Variants in CPA6 observed in about 807,000 individuals in gnomAD.
The protein encoded by CPA6 is carboxypeptidase B.
A neutral mutation model predicts 63.3 loss-of-function variants in CPA6; 58 were observed. That is an observed-to-expected ratio of 0.92 (90% confidence interval 0.74 to 1.14). The LOEUF is 1.14. CPA6 is among the 50% of genes most tolerant of loss of function. The pLI is 0.00. For missense variants in CPA6, 565 were observed against 526.6 expected, an observed-to-expected ratio of 1.07 and a Z score of -0.71; for synonymous variants, 185 against 179.0, an observed-to-expected ratio of 1.03 and a Z score of -0.27.
At chr8:67,475,821 T>C (rs868190232) in intron 8 of CPA6, among the ~76,000 whole-genome samples, 7 of 37,716 alleles carry the variant, frequency 1.9e-4, no homozygotes, top group Admixed American at 1.0e-3. Flanking sequence ...TTCTTTCCTT[T>C]CTTTTCTTTC....
chr8:67,425,424 G>A (rs1469222635), intron 10 of CPA6, among the ~76,000 whole-genome samples: 1 of 152,140 alleles, frequency 6.6e-6, no homozygotes, highest in Non-Finnish European at 1.5e-5. Context: ...ACCCAGGCTG[G>A]AGTGCAGTGG....
At chr8:67,687,796 G>A (rs776015369) in intron 1 of CPA6, among the ~76,000 whole-genome samples, 10 of 152,096 alleles carry the variant, frequency 6.6e-5, no homozygotes, top group Non-Finnish European at 8.8e-5. Flanking sequence ...GATAGCAGCC[G>A]TCTCTATAGG....
chr8:67,506,906 C>T lies in CPA6; in HGVS notation c.535-18G>A. 1 of 1,556,550 alleles carries T rather than the reference C, an allele frequency of 6.4e-7. No individual in the cohort carries two copies. The highest frequency in any genetic ancestry group is 1.1e-5 in the South Asian group (1 of 89,802). On this transcript the variant is annotated intron_variant, in intron 5 of 10. Transcript: ENST00000297770. The stretch of plus-strand genomic sequence containing the variant: ...CTGCCCAGCTGAAAACAAGAGCATT[C>T]ACAGTAACCAACTCAGGCTTTTAGA...
intron 1 of CPA6, among the ~76,000 whole-genome samples, chr8:67,677,361 T>TA (rs1816499371): frequency 1.5e-5 from 2 of 129,618 alleles, no homozygotes; most frequent in African/African-American, 5.5e-5. Context: ...TTTTTTTTTT[T>TA]ATCCTGCTGC....
chr8:67,721,368 A>G (rs1271044287), intron 1 of CPA6, among the ~76,000 whole-genome samples: 1 of 152,216 alleles, frequency 6.6e-6, no homozygotes, highest in Admixed American at 6.5e-5. Context: ...GGTTTCAGAT[A>G]TTGAAGGTCT....
intron 2 of CPA6, among the ~76,000 whole-genome samples, chr8:67,543,278 C>T (rs1812744257): frequency 6.6e-6 from 1 of 152,148 alleles, no homozygotes; most frequent in Non-Finnish European, 1.5e-5. Flanking sequence ...TTTTGTTTTC[C>T]TCTGTGATGA....
intron 8 of CPA6, among the ~76,000 whole-genome samples, chr8:67,461,153 G>A (rs1225087091): frequency 1.0e-4 from 15 of 146,280 alleles, no homozygotes; most frequent in South Asian, 2.2e-4. Context: ...AGGGAAGGTC[G>A]GCAGATAAAC....
intron 2 of CPA6, among the ~76,000 whole-genome samples, chr8:67,567,011 A>G (rs1813353537): frequency 6.6e-6 from 1 of 152,258 alleles, no homozygotes; most frequent in Admixed American, 6.5e-5. Flanking sequence ...ACCCTGCACT[A>G]GCAATCTGGA....
At chr8:67,575,349 C>G (rs934549353) in intron 2 of CPA6, among the ~76,000 whole-genome samples, 7 of 152,142 alleles carry the variant, frequency 4.6e-5, no homozygotes, top group African/African-American at 1.7e-4. Flanking sequence ...AATCTGAAAA[C>G]AGATTTACCA....
intron 2 of CPA6, among the ~76,000 whole-genome samples, chr8:67,595,700 TAA>T (rs1259801623): frequency 6.6e-6 from 1 of 152,206 alleles, no homozygotes; most frequent in Non-Finnish European, 1.5e-5. Context: ...GTGCGGGATA[TAA>T]TCTCCTGGTG....
At chr8:67,428,278 TCA>T (rs1275587269) in intron 9 of CPA6, 147 bp from the exon 10 acceptor site, 2 of 539,844 alleles carry the variant, frequency 3.7e-6, no homozygotes, top group African/African-American at 3.9e-5. Flanking sequence ...TACTCTTATG[TCA>T]CACGCTACAT....
intron 6 of CPA6, among the ~76,000 whole-genome samples, chr8:67,496,229 T>C (rs114922065): frequency 0.03 from 4,531 of 152,112 alleles, 225 homozygotes; most frequent in African/African-American, 0.1. Context: ...TTCCCGCACA[T>C]AAATATTCCT....
chr8:67,540,049 G>C (rs1812671196), intron 2 of CPA6, among the ~76,000 whole-genome samples: 1 of 152,094 alleles, frequency 6.6e-6, no homozygotes, highest in African/African-American at 2.4e-5. Flanking sequence ...TTGCTGGTGA[G>C]GAGTTGTGAT....
chr8:67,641,246 T>C (rs1239405927), intron 1 of CPA6, among the ~76,000 whole-genome samples: 1 of 151,812 alleles, frequency 6.6e-6, no homozygotes, highest in African/African-American at 2.4e-5. Context: ...AAACATTGTT[T>C]GAAAAACAGG....
intron 1 of CPA6, among the ~76,000 whole-genome samples, chr8:67,660,496 A>T (rs1328365429): frequency 2.3e-4 from 18 of 78,882 alleles, no homozygotes; most frequent in African/African-American, 4.2e-4. Flanking sequence ...TGCCCGGCTC[A>T]TTTTTTTTTT....
intron 2 of CPA6, among the ~76,000 whole-genome samples, chr8:67,580,703 G>T (rs1813749047): frequency 6.6e-6 from 1 of 152,154 alleles, no homozygotes; most frequent in Admixed American, 6.6e-5. Context: ...GCACCTTGTG[G>T]TTACCATGCC....
chr8:67,519,521 G>C (rs906188870), intron 2 of CPA6, among the ~76,000 whole-genome samples: 4 of 152,196 alleles, frequency 2.6e-5, no homozygotes, highest in African/African-American at 9.7e-5. Context: ...TGTGACTCAG[G>C]AAAATAAACT....
At chr8:67,465,477 T>A (rs1464784816) in intron 8 of CPA6, among the ~76,000 whole-genome samples, 1 of 152,218 alleles carries the variant, frequency 6.6e-6, no homozygotes, top group East Asian at 1.9e-4. Flanking sequence ...TCTATTTGGA[T>A]GCCTTTTATT....
intron 2 of CPA6, among the ~76,000 whole-genome samples, chr8:67,601,184 C>T (rs915899964): frequency 6.6e-6 from 1 of 152,174 alleles, no homozygotes; most frequent in Non-Finnish European, 1.5e-5. Context: ...CTGGCACATG[C>T]AATGTACATT....
Sources: allele counts gnomAD v4.1 joint callset (sites outside exome capture counted in the v4.1 genomes callset), GRCh38; gene constraint gnomAD v4.1.1; transcripts MANE v1.5; gene names NCBI Gene and HGNC (gene_info 2026-07-23, HGNC 2026-07-21).